The following DOK7 variants were observed in gnomAD, a reference collection of about 807,000 sequenced individuals.
DOK7 encodes docking protein 7, also known as protein Dok-7.
Under a neutral mutation model 30.7 loss-of-function variants are expected in DOK7, and 32 were observed. The ratio of observed to expected loss-of-function variants is 1.04; its 90% CI spans 0.79 to 1.40. The LOEUF (loss-of-function observed/expected upper bound fraction) is 1.40, where lower values mean the gene tolerates loss of function less well. Among genes scored for constraint, DOK7 ranks in the 40% most tolerant of loss-of-function variants. The pLI is 0.00. For synonymous variants in DOK7, 447 were observed against 324.1 expected (o/e 1.38, Z -4.07); for missense variants, 1,007 against 699.2 (o/e 1.44, Z -4.97).
In DOK7 at chr4:3,485,822, T is replaced by A. The variant is rs971075458; in HGVS notation, c.652+164T>A. 6.6e-5 allele frequency among the ~76,000 whole-genome samples: 10 copies of A among 152,370 alleles called. 1 individual carries two copies. The highest frequency in any genetic ancestry group is 2.4e-4 in the African/African-American group (10 of 41,596). ...TCCAGGCCAGGATTGCAGCCTGGGC[T>A]TCTGCAAGCCCTGCTGAGGGATTCA... On this transcript the variant is annotated intron_variant, in intron 5 of 6. Coordinates refer to ENST00000340083, the MANE Select transcript of DOK7 (RefSeq NM_173660.5).
chr4:3,493,117 AGCGGGG>A lies in DOK7; in HGVS notation c.1134_1139del (p.Gly379_Ala380del). On this transcript the variant is annotated inframe_deletion, in exon 7 of 7. Coordinates refer to ENST00000340083, the MANE Select transcript of DOK7 (RefSeq NM_173660.5). The stretch of plus-strand genomic sequence containing the variant: ...TGGGCTCACTGCTCAGCCTGCCAGC[AGCGGGG>A]GCCCCCGAGCCCAGCCTGTGCACCT... 6.3e-7 allele frequency: 1 copy of A among 1,590,094 alleles called. No individual in the cohort carries two copies. The highest frequency in any genetic ancestry group is 8.5e-7 in the Non-Finnish European group (1 of 1,171,564).
intron 4 of DOK7, among the ~76,000 whole-genome samples, chr4:3,485,138 C>T (rs1423325689): frequency 1.3e-5 from 2 of 152,236 alleles, no homozygotes; most frequent in Admixed American, 6.5e-5. Context: ...CCCCCCATCC[C>T]CCCAAGCAAG....
intron 4 of DOK7, among the ~76,000 whole-genome samples, chr4:3,479,054 C>T (rs970054790): frequency 3.3e-5 from 5 of 152,310 alleles, no homozygotes; most frequent in African/African-American, 1.2e-4. Context: ...GTGTCCAGAA[C>T]GGGTTCCTTC....
intron 2 of DOK7, among the ~76,000 whole-genome samples, chr4:3,466,217 C>T (rs1337425755): frequency 2.0e-5 from 3 of 152,234 alleles, no homozygotes; most frequent in Admixed American, 6.5e-5. Flanking sequence ...CCCCCCACAG[C>T]TGGCTGGAAG....
At chr4:3,476,148 GCCTGACCGTGATGCCCTCTCGC>G (rs1727041859) in intron 3 of DOK7, among the ~76,000 whole-genome samples, 172 bp from the exon 4 acceptor site, 1 of 79,744 alleles carries the variant, frequency 1.3e-5, no homozygotes, top group Non-Finnish European at 2.6e-5. Context: ...CTCTCGCCCC[GCCTGACCGTGATGCCCTCTCGC>G]CCCGCCCACC....
chr4:3,497,705 G>A (rs1346329745), downstream of DOK7, among the ~76,000 whole-genome samples: 1 of 151,992 alleles, frequency 6.6e-6, no homozygotes, highest in African/African-American at 2.4e-5. Context: ...CCAGGGTGGG[G>A]GAGGCGCCCA....
At chr4:3,473,740 G>A in intron 3 of DOK7, 104 bp downstream of exon 3, 4 of 1,122,566 alleles carry the variant, frequency 3.6e-6, no homozygotes, top group Non-Finnish European at 5.0e-6. Flanking sequence ...AGGGAACCGT[G>A]CAGGAAGATG....
At chr4:3,500,535 A>C (rs1229801539) in intron 7 of DOK7, 1 of 1,472,922 alleles carries the variant, frequency 6.8e-7, no homozygotes, top group African/African-American at 1.4e-5. Context: ...CCAGGAGGCA[A>C]ATGTCCCCAA....
chr4:3,495,158 T>C (rs1188229196), downstream of DOK7, among the ~76,000 whole-genome samples: 1 of 152,200 alleles, frequency 6.6e-6, no homozygotes, highest in Non-Finnish European at 1.5e-5. Context: ...AGACCCCGCC[T>C]CACTGGGCTG....
chr4:3,490,614 G>A (rs60524097), intron 6 of DOK7, among the ~76,000 whole-genome samples: 15,515 of 31,370 alleles, frequency 0.49, 2,979 homozygotes, highest in East Asian at 0.74. Context: ...CTCCCTGCTC[G>A]TTCATTCCTT....
In DOK7 at chr4:3,473,459, C is replaced by A. The variant is rs1553846306; in HGVS notation, c.154C>A (p.Arg52=). 6.2e-7 allele frequency: 1 copy of A among 1,611,038 alleles called. No homozygotes were observed. The highest frequency in any genetic ancestry group is 2.2e-5 in the East Asian group (1 of 44,868). Residue 52 remains arginine, a synonymous_variant, in exon 3 of 7, where the codon CGG becomes AGG. Transcript: ENST00000340083. The part of the protein sequence containing the change: ...KDKSERIKGL[R]ERSSLTLEDI... The stretch of plus-strand genomic sequence containing the variant: ...CAAGTCGGAGCGTATCAAGGGCCTG[C>A]GGGAGCGCAGCAGCCTGACGCTAGA...
At chr4:3,484,945 G>C in intron 4 of DOK7, 1 of 920,212 alleles carries the variant, frequency 1.1e-6, no homozygotes, top group African/African-American at 1.8e-5. Flanking sequence ...TGTGACCCCA[G>C]CTCCAGGTGG....
Position 3,489,814 on chromosome 4 carries a change from C to T in DOK7, c.772+18C>T, listed in dbSNP as rs929716023. 3.8e-6 allele frequency: 6 copies of T among 1,565,790 alleles called. No individual in the cohort carries two copies. The East Asian group carries it at 9.4e-5, about 25-fold the overall frequency. ...CAGTGGAGGTAGGGCCGGGGGCTGA[C>T]CTGGGCTGTGGGACCTCGGCTAAGC... On this transcript the variant is annotated intron_variant, in intron 6 of 6. Coordinates refer to ENST00000340083, the MANE Select transcript of DOK7 (RefSeq NM_173660.5).
intron 2 of DOK7, among the ~76,000 whole-genome samples, chr4:3,464,453 G>A (rs780149258): frequency 3.4e-4 from 52 of 152,222 alleles, no homozygotes; most frequent in South Asian, 2.1e-4. Context: ...TCAGCCCTCC[G>A]TGCCCAGACC....
intron 6 of DOK7, 31 bp downstream of exon 6, chr4:3,489,827 AC>A: frequency 6.4e-7 from 1 of 1,560,070 alleles, no homozygotes. Context: ...GGGCTGTGGG[AC>A]CTCGGCTAAG....
At chr4:3,489,053 C>CA (rs1224151384) in intron 5 of DOK7, among the ~76,000 whole-genome samples, 1 of 152,192 alleles carries the variant, frequency 6.6e-6, no homozygotes, top group East Asian at 1.9e-4. Flanking sequence ...TCCTGCCACT[C>CA]AGTCGCAGAG....
chr4:3,482,561 A>G (rs1411404340), intron 4 of DOK7, among the ~76,000 whole-genome samples: 5 of 152,224 alleles, frequency 3.3e-5, no homozygotes, highest in Non-Finnish European at 7.4e-5. Flanking sequence ...CTTCGATTCC[A>G]GGGAGGGAGT....
downstream of DOK7, among the ~76,000 whole-genome samples, chr4:3,494,878 T>A (rs1236791976): frequency 6.6e-6 from 1 of 152,166 alleles, no homozygotes; most frequent in Admixed American, 6.5e-5. Context: ...AGTTCCAGGC[T>A]TGTCTCAGTC....
intron 5 of DOK7, among the ~76,000 whole-genome samples, chr4:3,486,374 A>G (rs1169607379): frequency 6.6e-6 from 1 of 152,228 alleles, no homozygotes; most frequent in Non-Finnish European, 1.5e-5. Context: ...GCTTGACCCA[A>G]CGTCCAAGTG....
Sources: allele counts gnomAD v4.1 joint callset (sites outside exome capture counted in the v4.1 genomes callset), GRCh38; gene constraint gnomAD v4.1.1; transcripts MANE v1.5; gene names NCBI Gene and HGNC (gene_info 2026-07-23, HGNC 2026-07-21).